Variants in NR3C2 observed in about 807,000 individuals in gnomAD.
NR3C2 encodes the protein mineralocorticoid receptor.
NR3C2 carries 15 observed loss-of-function variants against 86.4 expected under a neutral mutation model. That is an observed-to-expected ratio of 0.17 (90% confidence interval 0.12 to 0.27). The LOEUF is 0.27. Among genes scored for constraint, NR3C2 ranks in the 10% least tolerant of loss-of-function variants. The pLI, the probability that NR3C2 is intolerant of heterozygous loss-of-function variation, is 1.00. For synonymous variants in NR3C2, 458 were observed against 450.5 expected, an observed-to-expected ratio of 1.02 and a Z score of -0.21; for missense variants, 960 against 1,195.6, an observed-to-expected ratio of 0.80 and a Z score of 2.91.
chr4:148,217,891 T>C lies in NR3C2; in HGVS notation c.1898-23029A>G, dbSNP rs112541765. On this transcript the variant is annotated intron_variant, in intron 3 of 8. Coordinates refer to ENST00000358102, the MANE Select transcript of NR3C2 (RefSeq NM_000901.5). ...CTGCAGCCTTCGTAATGAACCCTTG[T>C]AGCCACTAGTGAGAACTTTCAACAG... Among the ~76,000 whole-genome samples the C allele has an allele frequency of 6.6e-3, 1,002 of 152,318 alleles. 8 individuals are homozygous for C. The highest frequency in any genetic ancestry group is 0.024 in the Middle Eastern group (7 of 294).
At chr4:148,391,814 C>A (rs1449152775) in intron 2 of NR3C2, among the ~76,000 whole-genome samples, 2 of 149,764 alleles carry the variant, frequency 1.3e-5, no homozygotes, top group Admixed American at 6.7e-5. Context: ...ATGCAGTGAG[C>A]CAAGATTGGG....
intron 4 of NR3C2, among the ~76,000 whole-genome samples, chr4:148,163,127 G>A (rs1460432057): frequency 6.6e-6 from 1 of 152,208 alleles, no homozygotes; most frequent in Non-Finnish European, 1.5e-5. Context: ...ATTTAGATTA[G>A]ACATTAGGAG....
chr4:148,203,684 G>A (rs760066676), intron 3 of NR3C2, among the ~76,000 whole-genome samples: 6 of 126,992 alleles, frequency 4.7e-5, no homozygotes, highest in East Asian at 2.2e-4. Context: ...TTATAATGTC[G>A]CATGGTGAGT....
At chr4:148,391,846 G>A (rs1249144698) in intron 2 of NR3C2, among the ~76,000 whole-genome samples, 1 of 137,932 alleles carries the variant, frequency 7.2e-6, no homozygotes, top group Non-Finnish European at 1.5e-5. Context: ...CAGCCTGGGT[G>A]AGAGAGCAAG....
intron 2 of NR3C2, among the ~76,000 whole-genome samples, chr4:148,433,410 TTAAA>T (rs1398098103): frequency 6.6e-6 from 1 of 152,190 alleles, no homozygotes; most frequent in Non-Finnish European, 1.5e-5. Context: ...TAACAAGTGC[TTAAA>T]TATTTTAAGT....
upstream of NR3C2, chr4:148,444,375 G>T: frequency 1.0e-6 from 1 of 985,264 alleles, no homozygotes; most frequent in Non-Finnish European, 1.2e-6. Context: ...GGCCGCCAGC[G>T]GGCAACTCGT....
At chr4:148,281,907 A>T (rs1422526715) in intron 2 of NR3C2, among the ~76,000 whole-genome samples, 1 of 152,244 alleles carries the variant, frequency 6.6e-6, no homozygotes, top group South Asian at 2.1e-4. Context: ...GGAGTCATGG[A>T]AACAGTCTGG....
At chr4:148,120,122 A>G in intron 7 of NR3C2, 36 bp downstream of exon 7, 1 of 1,613,392 alleles carries the variant, frequency 6.2e-7, no homozygotes, top group Non-Finnish European at 8.5e-7. Flanking sequence ...ATGATCTGGT[A>G]ATATAGAAAC....
chr4:148,135,345 G>A (rs558361347), intron 6 of NR3C2, among the ~76,000 whole-genome samples: 1 of 152,152 alleles, frequency 6.6e-6, no homozygotes, highest in Admixed American at 6.5e-5. Context: ...GGGGTTGAGG[G>A]GGGTGAGTTT....
intron 6 of NR3C2, among the ~76,000 whole-genome samples, chr4:148,151,510 A>C (rs1203893296): frequency 6.6e-6 from 1 of 152,194 alleles, no homozygotes; most frequent in Non-Finnish European, 1.5e-5. Flanking sequence ...TGATGTTTCT[A>C]ATTTATGTTT....
At chr4:148,429,749 T>C (rs1749714082) in intron 2 of NR3C2, among the ~76,000 whole-genome samples, 1 of 152,214 alleles carries the variant, frequency 6.6e-6, no homozygotes. Flanking sequence ...TGCTTTTATT[T>C]TTCCTCGGTT....
At chr4:148,133,191 C>T (rs1294625096) in intron 6 of NR3C2, among the ~76,000 whole-genome samples, 2 of 133,178 alleles carry the variant, frequency 1.5e-5, no homozygotes, top group Non-Finnish European at 3.3e-5. Flanking sequence ...AAGAACCTGT[C>T]TCAAAAAAAA....
At chr4:148,410,292 T>C (rs1184438741) in intron 2 of NR3C2, among the ~76,000 whole-genome samples, 1 of 152,196 alleles carries the variant, frequency 6.6e-6, no homozygotes, top group African/African-American at 2.4e-5. Flanking sequence ...TCAAGTTAAC[T>C]ATGCTTTCAA....
intron 2 of NR3C2, among the ~76,000 whole-genome samples, chr4:148,341,488 A>G (rs1744747175): frequency 6.6e-6 from 1 of 152,172 alleles, no homozygotes; most frequent in African/African-American, 2.4e-5. Context: ...GAGGTTGGTT[A>G]ATGAGTACAA....
At chr4:148,144,070 C>A (rs1183488216) in intron 6 of NR3C2, among the ~76,000 whole-genome samples, 4 of 151,996 alleles carry the variant, frequency 2.6e-5, no homozygotes, top group African/African-American at 4.8e-5. Context: ...TACAGGCAGT[C>A]CCTATCTTCT....
Position 148,080,727 on chromosome 4 carries a change from C to G in NR3C2, c.*617G>C. On this transcript the variant is annotated 3_prime_UTR_variant, in exon 9 of 9. Coordinates refer to ENST00000358102, the MANE Select transcript of NR3C2 (RefSeq NM_000901.5). ...ACCAAGGCATTTAACATCATCTTATCCATTCTAATTAAATAAGAAATGGAC... is the reference window on the plus strand; with the variant it reads ...ACCAAGGCATTTAACATCATCTTATGCATTCTAATTAAATAAGAAATGGAC... The G allele has an allele frequency of 3.0e-6, 1 of 334,024 alleles. No homozygotes were observed. Among genetic ancestry groups the G allele is most frequent in the Non-Finnish European group, 6.3e-6 (1 of 159,556 alleles). 20.7% of individuals were successfully genotyped at this position (334,024 alleles called of 1,614,324 possible).
At chr4:148,293,857 A>AC (rs1286398753) in intron 2 of NR3C2, among the ~76,000 whole-genome samples, 7 of 152,110 alleles carry the variant, frequency 4.6e-5, no homozygotes, top group Non-Finnish European at 1.0e-4. Flanking sequence ...AAGATTTACC[A>AC]CCCACCAGTG....
At chr4:148,341,173 T>C (rs1025289247) in intron 2 of NR3C2, among the ~76,000 whole-genome samples, 1 of 152,148 alleles carries the variant, frequency 6.6e-6, no homozygotes, top group African/African-American at 2.4e-5. Context: ...CTATTCACAA[T>C]AGCCCAAACT....
At chr4:148,152,423 A>G (rs761284585) in intron 6 of NR3C2, 46 bp downstream of exon 6, 32 of 1,585,976 alleles carry the variant, frequency 2.0e-5, no homozygotes, top group Non-Finnish European at 2.6e-5. Flanking sequence ...ATCATAACGC[A>G]TAACTCTGCA....
Sources: allele counts gnomAD v4.1 joint callset (sites outside exome capture counted in the v4.1 genomes callset), GRCh38; gene constraint gnomAD v4.1.1; transcripts MANE v1.5; gene names NCBI Gene and HGNC (gene_info 2026-07-23, HGNC 2026-07-21).